Variants in CMTM5 observed in about 807,000 individuals in gnomAD.
The protein encoded by CMTM5 is CKLF-like MARVEL transmembrane domain-containing protein 5.
Under a neutral mutation model 26.9 loss-of-function variants are expected in CMTM5, and 25 were observed. The ratio of observed to expected loss-of-function variants is 0.93; its 90% confidence interval spans 0.68 to 1.30. The LOEUF is 1.30. Among genes scored for constraint, CMTM5 ranks in the 50% most tolerant of loss-of-function variants. CMTM5 has a pLI of 0.00. For synonymous variants in CMTM5, 98 were observed against 115.5 expected, an observed-to-expected ratio of 0.85 and a Z score of 0.97; for missense variants, 292 against 289.6, an observed-to-expected ratio of 1.01 and a Z score of -0.06.
chr14:23,377,612 G>T lies in CMTM5; in HGVS notation c.126+235G>T, dbSNP rs897246430. The T allele has an allele frequency of 1.1e-5, 5 of 452,334 alleles. No individual in the cohort carries two copies. Among genetic ancestry groups the T allele is most frequent in the African/African-American group, 1.0e-4 (5 of 49,380 alleles). 28.0% of individuals were successfully genotyped at this position (452,334 alleles called of 1,614,324 possible). A position where few individuals can be genotyped will look rare whatever the true frequency, so the allele number is the denominator to read the frequency against. ...GCAGGAAGGACTGCAGTTAGACAGG[G>T]TGACTTTTTGGGACATTGAGGAAGC... On this transcript the variant is annotated intron_variant, in intron 1 of 5. Coordinates refer to ENST00000339180, the MANE Select transcript of CMTM5 (RefSeq NM_001288746.2). This position sits in a 1 kb window ranked among gnomAD's most constrained non-coding sequence, Gnocchi z 4.6.
At position 23,378,753 on chromosome 14, in the gene CMTM5, G is replaced by C. The variant is rs766926852; in HGVS notation, c.364G>C (p.Gly122Arg). The C allele has an allele frequency of 2.5e-6, 4 of 1,612,302 alleles. No homozygotes were observed. The highest frequency in any genetic ancestry group is 2.5e-6 in the Non-Finnish European group (3 of 1,179,810). The stretch of plus-strand genomic sequence containing the variant: ...AAAGGTCCAGCCCCAGCCCTGGCCT[G>C]GCTTGACCCCCCCGGGCTGGCATAC... Reference protein sequence around the residue: ...SAKVQPQPWPGLTPPGWHTPA... With the variant: ...SAKVQPQPWPRLTPPGWHTPA... The change falls in exon 3 of 6, where the codon GGC (glycine) becomes CGC (arginine). Residue 122 changes from glycine to arginine, a missense_variant. By Grantham distance (125) the Gly-to-Arg change is moderately radical. Coordinates refer to ENST00000339180, the MANE Select transcript of CMTM5 (RefSeq NM_001288746.2). The surrounding 1 kb of genome is among the most constrained non-coding windows in gnomAD (Gnocchi z 4.2).
Position 23,378,478 on chromosome 14 carries a change from G to A in CMTM5, c.256G>A (p.Asp86Asn), listed in dbSNP as rs751840348. 22 of 1,613,960 alleles carry A rather than the reference G, an allele frequency of 1.4e-5. No individual in the cohort carries two copies. The highest frequency in any genetic ancestry group is 1.6e-4 in the Middle Eastern group (1 of 6,084). The change falls in exon 2 of 6, where the codon GAC becomes AAC. Residue 86 changes from aspartate to asparagine, a missense_variant. Physicochemically the swap from Asp to Asn is conservative, Grantham distance 23 (BLOSUM62 1). Transcript: ENST00000339180. This position sits in a 1 kb window ranked among gnomAD's most constrained non-coding sequence, Gnocchi z 4.2. Reference protein sequence around the residue: ...LYATQYYQRFDRINWPCLLQG... With the variant: ...LYATQYYQRFNRINWPCLLQG... The stretch of plus-strand genomic sequence containing the variant: ...TGCCACCCAGTACTACCAGCGCTTC[G>A]ACCGAATTAACTGGCCCTGTCTGGT...
At position 23,377,112 on chromosome 14, in the gene CMTM5, C is replaced by T; in HGVS notation, c.-140C>T. On this transcript the variant is annotated 5_prime_UTR_variant, in exon 1 of 6. Coordinates refer to ENST00000339180, the MANE Select transcript of CMTM5 (RefSeq NM_001288746.2). This position sits in a 1 kb window ranked among gnomAD's most constrained non-coding sequence, Gnocchi z 4.6. ...CAGCGCCTGCCTTCTCTCCCGGGGC[C>T]CTGTGGGCAAGCCTCCTGCTTCACT... The T allele has an allele frequency of 8.3e-7, 1 of 1,209,812 alleles. No homozygotes were observed. Among genetic ancestry groups the T allele is most frequent in the Non-Finnish European group, 1.2e-6 (1 of 863,704 alleles). The allele number at this position is 1,209,812 out of a possible 1,614,324, so 74.9% of individuals were successfully genotyped here. A position where few individuals can be genotyped will look rare whatever the true frequency, so the allele number is the denominator to read the frequency against.
rs764925605 is a variant in CMTM5 at position 23,379,093 on chromosome 14, C to T, written c.543C>T (p.Thr181=). 1.9e-6 allele frequency: 3 copies of T among 1,613,906 alleles called. No homozygotes were observed. The African/African-American group carries it at 4.0e-5, about 22-fold the overall frequency. The change falls in exon 4 of 6, where the codon ACC becomes ACT. Residue 181 remains threonine (T), a synonymous_variant. Coordinates refer to ENST00000339180, the MANE Select transcript of CMTM5 (RefSeq NM_001288746.2). The part of the protein sequence containing the change: ...IFLVVSFAAV[T]SRDGAAIAAF... ...TGGTGGTCTCCTTTGCAGCTGTGAC[C>T]TCCCGGGACGGAGCTGCCATTGCTG...
At position 23,378,444 on chromosome 14, in the gene CMTM5, C is replaced by T; in HGVS notation, c.222C>T (p.Leu74=). Residue 74 remains leucine (L), a synonymous_variant, in exon 2 of 6, where the codon CTC becomes CTT. Transcript: ENST00000339180. This position sits in a 1 kb window ranked among gnomAD's most constrained non-coding sequence, Gnocchi z 4.2. ...LLEFFITLAF[L]FLYATQYYQR... is the part of the protein sequence containing the mutation. The stretch of plus-strand genomic sequence containing the variant: ...AGTTCTTCATCACACTTGCCTTCCT[C>T]TTCCTCTATGCCACCCAGTACTACC... The T allele has an allele frequency of 6.2e-7, 1 of 1,614,156 alleles. No individual in the cohort carries two copies. Among genetic ancestry groups the T allele is most frequent in the Non-Finnish European group, 8.5e-7 (1 of 1,180,028 alleles).
At position 23,378,312 on chromosome 14, in the gene CMTM5, C is replaced by T; in HGVS notation, c.127-37C>T. 1.2e-6 allele frequency: 2 copies of T among 1,610,702 alleles called. No individual in the cohort carries two copies. Among genetic ancestry groups the T allele is most frequent in the Middle Eastern group, 1.7e-4 (1 of 6,042 alleles). On this transcript the variant is annotated intron_variant, in intron 1 of 5. Coordinates refer to ENST00000339180, the MANE Select transcript of CMTM5 (RefSeq NM_001288746.2). The surrounding 1 kb of genome is among the most constrained non-coding windows in gnomAD (Gnocchi z 4.2). Reference sequence around the variant, plus strand: ...GCAAAGCCCTGGCCCCTGCCTGTGTCCCCTTCTTGGCATGTTCCACATGCT... The same window carrying T: ...GCAAAGCCCTGGCCCCTGCCTGTGTTCCCTTCTTGGCATGTTCCACATGCT...
At position 23,378,078 on chromosome 14, in the gene CMTM5, G is replaced by A; in HGVS notation, c.127-271G>A. On this transcript the variant is annotated intron_variant, in intron 1 of 5. Transcript: ENST00000339180. This position sits in a 1 kb window ranked among gnomAD's most constrained non-coding sequence, Gnocchi z 4.2. Reference sequence around the variant, plus strand: ...CACACTGTACCTATGAATTACTGTGGGATAGTGCTCCTGGGAGCCATATGG... The same window carrying A: ...CACACTGTACCTATGAATTACTGTGAGATAGTGCTCCTGGGAGCCATATGG... 1.9e-6 allele frequency: 1 copy of A among 520,728 alleles called. No individual in the cohort carries two copies. Among genetic ancestry groups the A allele is most frequent in the Non-Finnish European group, 3.4e-6 (1 of 290,854 alleles). The allele number at this position is 520,728 out of a possible 1,614,324, so 32.3% of individuals were successfully genotyped here.
Position 23,377,585 on chromosome 14 carries a change from C to T in CMTM5, c.126+208C>T. ...AGACATTTACAGCAGGTTTCAGTTGCAGCAGGAAGGACTGCAGTTAGACAG... is the reference window on the plus strand; with the variant it reads ...AGACATTTACAGCAGGTTTCAGTTGTAGCAGGAAGGACTGCAGTTAGACAG... On this transcript the variant is annotated intron_variant, in intron 1 of 5. Transcript: ENST00000339180. The surrounding 1 kb of genome is among the most constrained non-coding windows in gnomAD (Gnocchi z 4.6). 1.9e-6 allele frequency: 1 copy of T among 523,886 alleles called. No homozygotes were observed. Among genetic ancestry groups the T allele is most frequent in the Non-Finnish European group, 3.2e-6 (1 of 312,156 alleles). 32.5% of individuals were successfully genotyped at this position (523,886 alleles called of 1,614,324 possible). A position where few individuals can be genotyped will look rare whatever the true frequency, so the allele number is the denominator to read the frequency against.
At position 23,379,062 on chromosome 14, in the gene CMTM5, T is replaced by G. The variant is rs1032615673; in HGVS notation, c.512T>G (p.Ile171Ser). 6 of 1,613,980 alleles carry G rather than the reference T, an allele frequency of 3.7e-6. No individual in the cohort carries two copies. The African/African-American group carries it at 8.0e-5, about 22-fold the overall frequency. The part of the protein sequence containing the change: ...DFLRCVSAII[I>S]FLVVSFAAVT... ...CTGCGCTGTGTCAGTGCCATCATCA[T>G]CTTCCTGGTGGTCTCCTTTGCAGCT... Residue 171 changes from isoleucine to serine, a missense_variant, in exon 4 of 6, where the codon ATC (isoleucine) becomes AGC (serine). Ile to Ser is a moderately radical substitution (Grantham distance 142, BLOSUM62 -2). Coordinates refer to ENST00000339180, the MANE Select transcript of CMTM5 (RefSeq NM_001288746.2).
chr14:23,379,444 G>C, intron 5 of CMTM5, 30 bp from the exon 6 acceptor site: 1 of 1,614,110 alleles, frequency 6.2e-7, no homozygotes. Flanking sequence ...CCATCCTGAT[G>C]TGGGTCCCTA....
At chr14:23,376,854 G>C, upstream of CMTM5, 1 of 189,924 alleles carries the variant, frequency 5.3e-6, no homozygotes, top group Non-Finnish European at 1.1e-5. Context: ...GTCCCTGGGG[G>C]CTCCCAGTCC....
chr14:23,377,008 T>G, upstream of CMTM5: 2 of 519,780 alleles, frequency 3.8e-6, no homozygotes, highest in Non-Finnish European at 6.8e-6. This position sits in a 1 kb window ranked among gnomAD's most constrained non-coding sequence, Gnocchi z 4.6. Context: ...CCCCTCCCCA[T>G]GGGTCTCTAG....
chr14:23,378,222 G>A lies in CMTM5; in HGVS notation c.127-127G>A. ...CCAGGGGATAGGGAGATGTGCCAGAGTCCTTCCTCCCCTCCAAGGACAGGT... is the reference window on the plus strand; with the variant it reads ...CCAGGGGATAGGGAGATGTGCCAGAATCCTTCCTCCCCTCCAAGGACAGGT... On this transcript the variant is annotated intron_variant, in intron 1 of 5. Coordinates refer to ENST00000339180, the MANE Select transcript of CMTM5 (RefSeq NM_001288746.2). This position sits in a 1 kb window ranked among gnomAD's most constrained non-coding sequence, Gnocchi z 4.2. 1.0e-6 allele frequency: 1 copy of A among 1,001,190 alleles called. No individual in the cohort carries two copies. 62.0% of individuals were successfully genotyped at this position (1,001,190 alleles called of 1,614,324 possible). A position where few individuals can be genotyped will look rare whatever the true frequency, so the allele number is the denominator to read the frequency against.
In CMTM5 at chr14:23,379,651, G is replaced by T. The variant is rs1846435247; in HGVS notation, c.*164G>T. ...TGGGGACTTATCTGTGGAGCCTGGTGCTCCAGGATGTGGCTTCTCATGAAG... is the reference window on the plus strand; with the variant it reads ...TGGGGACTTATCTGTGGAGCCTGGTTCTCCAGGATGTGGCTTCTCATGAAG... On this transcript the variant is annotated 3_prime_UTR_variant, in exon 6 of 6. Coordinates refer to ENST00000339180, the MANE Select transcript of CMTM5 (RefSeq NM_001288746.2). 1 of 1,470,870 alleles carries T rather than the reference G, an allele frequency of 6.8e-7. No homozygotes were observed. Among genetic ancestry groups the T allele is most frequent in the Non-Finnish European group, 9.0e-7 (1 of 1,112,328 alleles). The allele number at this position is 1,470,870 out of a possible 1,614,324, so 91.1% of individuals were successfully genotyped here. A position where few individuals can be genotyped will look rare whatever the true frequency, so the allele number is the denominator to read the frequency against.
Position 23,379,331 on chromosome 14 carries a change from C to A in CMTM5, c.606C>A (p.Ala202=). 6.2e-7 allele frequency: 1 copy of A among 1,614,170 alleles called. No individual in the cohort carries two copies. The highest frequency in any genetic ancestry group is 1.3e-5 in the African/African-American group (1 of 75,050). ...GCATCATCCTGGTTTCCATCTTTGC[C>A]TATGATGCCTTCAAGATCTACCGGA... The part of the protein sequence containing the change: ...VFGIILVSIF[A]YDAFKIYRTE... The change falls in exon 5 of 6, where the codon GCC becomes GCA. Residue 202 remains alanine, a synonymous_variant. Coordinates refer to ENST00000339180, the MANE Select transcript of CMTM5 (RefSeq NM_001288746.2).
chr14:23,379,189 G>A, intron 4 of CMTM5, 66 bp downstream of exon 4: 7 of 1,599,750 alleles, frequency 4.4e-6, no homozygotes, highest in South Asian at 3.4e-5. Flanking sequence ...CACACTTTCT[G>A]TATCAGAAGC....
chr14:23,379,502 G>A lies in CMTM5; in HGVS notation c.*15G>A, dbSNP rs750682773. 6.2e-7 allele frequency: 1 copy of A among 1,613,434 alleles called. No individual in the cohort carries two copies. Among genetic ancestry groups the A allele is most frequent in the Non-Finnish European group, 8.5e-7 (1 of 1,180,022 alleles). On this transcript the variant is annotated 3_prime_UTR_variant, in exon 6 of 6. Coordinates refer to ENST00000339180, the MANE Select transcript of CMTM5 (RefSeq NM_001288746.2). ...ACCAGCAGTGACTCTGGGGCTACCT[G>A]GCTCCTAGGCCCAGCCAGCCAGAGA... is the stretch of plus-strand genomic sequence containing the variant.
Position 23,378,879 on chromosome 14 carries a change from CT to C in CMTM5, c.480+11del, listed in dbSNP as rs1890717909. On this transcript the variant is annotated intron_variant, in intron 3 of 5. Coordinates refer to ENST00000339180, the MANE Select transcript of CMTM5 (RefSeq NM_001288746.2). This position sits in a 1 kb window ranked among gnomAD's most constrained non-coding sequence, Gnocchi z 4.2. Reference sequence around the variant, plus strand: ...CTCCCTGGGTAGCAGTGTGAGCGCTCTGTCTCTTGAATGTGCTTCATATTGT... The same window carrying C: ...CTCCCTGGGTAGCAGTGTGAGCGCTCGTCTCTTGAATGTGCTTCATATTGT... 2.5e-6 allele frequency: 4 copies of C among 1,612,972 alleles called. No homozygotes were observed. The highest frequency in any genetic ancestry group is 3.4e-6 in the Non-Finnish European group (4 of 1,179,558).
chr14:23,378,364 A>G lies in CMTM5; in HGVS notation c.142A>G (p.Ile48Val), dbSNP rs1015090370. The change falls in exon 2 of 6, where the codon ATC (isoleucine) becomes GTC (valine). Residue 48 changes from isoleucine (I) to valine (V), a missense_variant. Coordinates refer to ENST00000339180, the MANE Select transcript of CMTM5 (RefSeq NM_001288746.2). This position sits in a 1 kb window ranked among gnomAD's most constrained non-coding sequence, Gnocchi z 4.2. ...LETELALTLI[I>V]FICFTASISA... is the part of the protein sequence containing the mutation. The stretch of plus-strand genomic sequence containing the variant: ...GGTCCTGCAGGCCCTGACCCTCATC[A>G]TCTTCATCTGCTTCACGGCCTCCAT... The G allele has an allele frequency of 1.7e-5, 28 of 1,613,666 alleles. No homozygotes were observed. The highest frequency in any genetic ancestry group is 2.3e-5 in the Non-Finnish European group (27 of 1,179,924).
Sources: gnomAD v4.1 joint callset for allele counts on GRCh38, gnomAD v4.1.1 for gene constraint, Gnocchi (gnomAD v3.1) non-coding constraint, MANE v1.5 for transcripts, NCBI Gene and HGNC (gene_info 2026-07-23, HGNC 2026-07-21) for gene names.